PRIM2: variants seen among roughly 807,000 people sequenced by gnomAD.
PRIM2 encodes the protein DNA primase subunit 2, also known as DNA primase large subunit.
A neutral mutation model predicts 67.3 loss-of-function variants in PRIM2; 39 were observed. The observed-to-expected ratio is 0.58, with a 90% CI of 0.45 to 0.76. The LOEUF (loss-of-function observed/expected upper bound fraction) is 0.76. Ranked by LOEUF, PRIM2 falls within the 30% of genes least tolerant of loss-of-function variation. The pLI is 0.00. For synonymous variants in PRIM2, 143 were observed against 198.7 expected, an observed-to-expected ratio of 0.72 and a Z score of 2.36; for missense variants, 398 against 598.7, an observed-to-expected ratio of 0.66 and a Z score of 3.50.
At chr6:57,263,449 T>G in the PRIM2 span, among the ~76,000 whole-genome samples, 3 of 152,186 alleles carry the variant, frequency 2.0e-5, no homozygotes, top group African/African-American at 7.2e-5. Context: ...GCCGCTTCAC[T>G]CAAATCTCTG....
At chr6:57,328,800 CTT>C (rs1274487123) in intron 5 of PRIM2, among the ~76,000 whole-genome samples, 4 of 152,194 alleles carry the variant, frequency 2.6e-5, no homozygotes, top group Non-Finnish European at 5.9e-5. Flanking sequence ...GAGGGTTCCA[CTT>C]TCTCCATATC....
the PRIM2 span, among the ~76,000 whole-genome samples, chr6:57,241,668 T>A: frequency 6.7e-6 from 1 of 149,346 alleles, no homozygotes; most frequent in African/African-American, 2.5e-5. Flanking sequence ...GTTTTAATAC[T>A]AAACTATGCA....
intron 7 of PRIM2, among the ~76,000 whole-genome samples, chr6:57,431,923 A>G (rs1404151871): frequency 1.1e-4 from 16 of 152,106 alleles, no homozygotes; most frequent in Non-Finnish European, 1.9e-4. Context: ...GTAAAATTGC[A>G]TGGGTAGTTG....
intron 7 of PRIM2, among the ~76,000 whole-genome samples, chr6:57,487,794 G>A (rs1374423597): frequency 2.6e-5 from 4 of 152,164 alleles, no homozygotes; most frequent in Admixed American, 1.3e-4. Context: ...CAATTAATTC[G>A]AAATAGGAGA....
At chr6:57,569,009 T>G (rs1247773829) in intron 10 of PRIM2, among the ~76,000 whole-genome samples, 22 of 152,378 alleles carry the variant, frequency 1.4e-4, no homozygotes, top group Non-Finnish European at 2.8e-4. Flanking sequence ...TTTCTGAACT[T>G]CAGATTGCTA....
chr6:57,608,960 A>G (rs1776616648), intron 12 of PRIM2, among the ~76,000 whole-genome samples: 2 of 152,200 alleles, frequency 1.3e-5, no homozygotes, highest in Admixed American at 6.5e-5. Flanking sequence ...TTTGCTCTTA[A>G]CATTTGTTAC....
intron 10 of PRIM2, among the ~76,000 whole-genome samples, chr6:57,590,003 C>T (rs1184600761): frequency 6.6e-5 from 10 of 152,108 alleles, no homozygotes; most frequent in African/African-American, 2.4e-4. Flanking sequence ...GCTCAGGAGT[C>T]AGGGAGTAAA....
At chr6:57,418,600 C>A (rs112988723) in intron 7 of PRIM2, among the ~76,000 whole-genome samples, 2 of 151,526 alleles carry the variant, frequency 1.3e-5, no homozygotes, top group African/African-American at 4.8e-5. Context: ...TGGGGTTTCA[C>A]CATGTTGGCC....
chr6:57,296,280 G>GT, the PRIM2 span, among the ~76,000 whole-genome samples: 2 of 152,046 alleles, frequency 1.3e-5, no homozygotes, highest in Non-Finnish European at 2.9e-5. Context: ...ACTTTAGCTA[G>GT]TAAGTTTATT....
chr6:57,465,384 A>G (rs199786781), intron 7 of PRIM2, among the ~76,000 whole-genome samples: 2,059 of 152,330 alleles, frequency 0.014, 43 homozygotes, highest in African/African-American at 0.046. Flanking sequence ...AGCAGCAGCT[A>G]TACTGGGTTT....
intron 5 of PRIM2, among the ~76,000 whole-genome samples, chr6:57,337,717 A>C (rs544045255): frequency 1.3e-5 from 2 of 152,228 alleles, no homozygotes; most frequent in Non-Finnish European, 2.9e-5. Flanking sequence ...AGCAGTGTGT[A>C]GAGGGAAATA....
At chr6:57,635,424 A>T (rs1777102085) in intron 13 of PRIM2, among the ~76,000 whole-genome samples, 2 of 152,240 alleles carry the variant, frequency 1.3e-5, no homozygotes, top group South Asian at 4.1e-4. Flanking sequence ...TTTTAGGGTC[A>T]ATGTTTAAAA....
intron 10 of PRIM2, among the ~76,000 whole-genome samples, chr6:57,550,129 C>G (rs1347823846): frequency 6.6e-6 from 1 of 151,954 alleles, no homozygotes; most frequent in Non-Finnish European, 1.5e-5. Flanking sequence ...CAAAAATAGT[C>G]TAATCTTTGT....
chr6:57,468,012 A>G (rs1268151450), intron 7 of PRIM2, among the ~76,000 whole-genome samples: 1 of 152,140 alleles, frequency 6.6e-6, no homozygotes, highest in Non-Finnish European at 1.5e-5. Context: ...TCATCAGCTT[A>G]AGGAGATTTT....
At chr6:57,597,678 C>T (rs1315198564) in intron 10 of PRIM2, among the ~76,000 whole-genome samples, 8 of 152,048 alleles carry the variant, frequency 5.3e-5, no homozygotes, top group Non-Finnish European at 1.2e-4. Flanking sequence ...GATTCTTTCC[C>T]AGGTTTCTCT....
intron 5 of PRIM2, among the ~76,000 whole-genome samples, chr6:57,335,420 A>G (rs1308468592): frequency 6.6e-6 from 1 of 152,166 alleles, no homozygotes; most frequent in Non-Finnish European, 1.5e-5. Context: ...GGCACAGACA[A>G]ACAGAAAGAC....
intron 7 of PRIM2, among the ~76,000 whole-genome samples, chr6:57,453,380 A>G (rs1257103496): frequency 6.6e-6 from 1 of 152,112 alleles, no homozygotes; most frequent in Non-Finnish European, 1.5e-5. Flanking sequence ...CTTGGGCAGT[A>G]TGGCCATTTT....
chr6:57,547,243 A>AT (rs1275096814), intron 10 of PRIM2, among the ~76,000 whole-genome samples: 3 of 152,224 alleles, frequency 2.0e-5, no homozygotes, highest in East Asian at 3.9e-4. Context: ...TTATTTATTT[A>AT]TTTTTTATTT....
rs1234747954 is a variant in PRIM2 at position 57,624,179 on chromosome 6, C to T, written c.1231-7954C>T. On this transcript the variant is annotated intron_variant, in intron 12 of 13. Coordinates refer to ENST00000615550, the MANE Select transcript of PRIM2 (RefSeq NM_000947.5). ...GAACCATGGAACTGAGGTTTGACAA[C>T]ATGTTTCTCCGTATCTCTAAGCAGG... 2.5e-4 allele frequency among the ~76,000 whole-genome samples: 38 copies of T among 152,148 alleles called. No homozygotes were observed. The South Asian group carries it at 3.5e-3, about 14-fold the overall frequency.
Sources: gnomAD v4.1 joint callset for allele counts (sites outside exome capture counted in the v4.1 genomes callset) on GRCh38, gnomAD v4.1.1 for gene constraint, MANE v1.5 for transcripts, NCBI Gene and HGNC (gene_info 2026-07-23, HGNC 2026-07-21) for gene names.